CHD5: variants seen among roughly 807,000 people sequenced by gnomAD.
CHD5 encodes ATP-dependent chromatin remodeler CHD5.
A neutral mutation model predicts 230.3 loss-of-function variants in CHD5; 69 were observed. The observed-to-expected ratio is 0.30, with a 90% CI of 0.25 to 0.37. The LOEUF is 0.37. Ranked by LOEUF, CHD5 falls within the 10% of genes least tolerant of loss-of-function variation. CHD5 has a pLI of 1.00. For synonymous variants in CHD5, 1,064 were observed against 1,065.9 expected (o/e 1.00, Z 0.03); for missense variants, 1,827 against 2,622.8 (o/e 0.70, Z 6.63).
At chr1:6,122,376 C>T (rs183411437) in intron 31 of CHD5, among the ~76,000 whole-genome samples, 14 of 152,336 alleles carry the variant, frequency 9.2e-5, no homozygotes, top group East Asian at 1.9e-4. Context: ...ACAGCCAATA[C>T]GCACACCGAA....
At chr1:6,159,070 A>G (rs1667124233) in intron 3 of CHD5, among the ~76,000 whole-genome samples, 2 of 149,748 alleles carry the variant, frequency 1.3e-5, no homozygotes, top group African/African-American at 5.0e-5. Context: ...TCCTGTCTCT[A>G]CTAAAAATAC....
Position 6,126,382 on chromosome 1 carries a change from AGG to A in CHD5, c.4078+188_4078+189del, listed in dbSNP as rs1235968063. On this transcript the variant is annotated intron_variant, in intron 26 of 41. Coordinates refer to ENST00000262450, the MANE Select transcript of CHD5 (RefSeq NM_015557.3). This position sits in a 1 kb window ranked among gnomAD's most constrained non-coding sequence, Gnocchi z 5.7. ...CCCGCACCTCCCGGGGGTTCTGCAC[AGG>A]GATGCCCTGACAGAATCCTGCCCCA... is the stretch of plus-strand genomic sequence containing the variant. 6.7e-6 allele frequency among the ~76,000 whole-genome samples: 1 copy of A among 149,712 alleles called. No individual in the cohort carries two copies. Among genetic ancestry groups the A allele is most frequent in the African/African-American group, 2.5e-5 (1 of 40,468 alleles).
At chr1:6,110,311 C>G (rs1264097153) in intron 37 of CHD5, 83 bp downstream of exon 37, 3 of 1,537,906 alleles carry the variant, frequency 2.0e-6, no homozygotes, top group Non-Finnish European at 2.7e-6. Flanking sequence ...GGTTGCTGCT[C>G]TCTAATTCCT....
rs1381174395 is a variant in CHD5 at position 6,110,470 on chromosome 1, T to C, written c.5306A>G (p.Asn1769Ser). Residue 1769 changes from asparagine to serine, a missense_variant, in exon 37 of 42, where the codon AAC (asparagine) becomes AGC (serine). This residue lies in a region of CHD5 where 208 missense variants were observed against 302.0 expected (regional missense o/e 0.69). Coordinates refer to ENST00000262450, the MANE Select transcript of CHD5 (RefSeq NM_015557.3). ...GTGGACCTCAGACTTGAAGGGCTCG[T>C]TGAGGATCATGTACCGTGGGTCATT... ...IQNDPRYMIL[N>S]EPFKSEVHKG... is the part of the protein sequence containing the mutation. 5 of 1,613,918 alleles carry C rather than the reference T, an allele frequency of 3.1e-6. No homozygotes were observed. Among genetic ancestry groups the C allele is most frequent in the Non-Finnish European group, 4.2e-6 (5 of 1,180,014 alleles).
At chr1:6,135,494 G>C in intron 17 of CHD5, 91 bp from the exon 18 acceptor site, 3 of 1,182,800 alleles carry the variant, frequency 2.5e-6, no homozygotes, top group Non-Finnish European at 3.6e-6. Context: ...AGGCCGGCTA[G>C]CTGGTGAACC....
rs1332569187 is a variant in CHD5, at chr1:6,155,806, C to T, written c.388-89G>A. On this transcript the variant is annotated intron_variant, in intron 3 of 41. Transcript: ENST00000262450. The surrounding 1 kb of genome is among the most constrained non-coding windows in gnomAD (Gnocchi z 4.0). ...AGGGTCTCTGCCTAGGAGGCTTTGG[C>T]ACAGGGGAAAGAGGAGGGGTTGTGT... is the stretch of plus-strand genomic sequence containing the variant. The T allele has an allele frequency of 1.9e-5, 19 of 989,772 alleles. No individual in the cohort carries two copies. Among genetic ancestry groups the T allele is most frequent in the Non-Finnish European group, 2.8e-5 (18 of 634,128 alleles). 61.3% of individuals were successfully genotyped at this position (989,772 alleles called of 1,614,324 possible).
At position 6,112,130 on chromosome 1, in the gene CHD5, AC is replaced by A; in HGVS notation, c.5140+9del. Reference sequence around the variant, plus strand: ...GCCTCAGCTCTCTGCCCAACCCCCAACCCCAATACCCGTGAAGCCCCCGTCC... The same window carrying A: ...GCCTCAGCTCTCTGCCCAACCCCCAACCCAATACCCGTGAAGCCCCCGTCC... On this transcript the variant is annotated intron_variant, in intron 35 of 41. Coordinates refer to ENST00000262450, the MANE Select transcript of CHD5 (RefSeq NM_015557.3). 6.2e-7 allele frequency: 1 copy of A among 1,611,768 alleles called. No individual in the cohort carries two copies. Among genetic ancestry groups the A allele is most frequent in the Non-Finnish European group, 8.5e-7 (1 of 1,178,762 alleles).
chr1:6,151,834 G>C (rs531838112), intron 6 of CHD5, among the ~76,000 whole-genome samples: 1 of 152,176 alleles, frequency 6.6e-6, no homozygotes, highest in African/African-American at 2.4e-5. Flanking sequence ...AGCTACCTGT[G>C]GGGGTGAGGA....
In CHD5 at chr1:6,142,668, G is replaced by A; in HGVS notation, c.2044-63C>T. 1 of 1,513,170 alleles carries A rather than the reference G, an allele frequency of 6.6e-7. No individual in the cohort carries two copies. Among genetic ancestry groups the A allele is most frequent in the African/African-American group, 1.4e-5 (1 of 72,992 alleles). The allele number at this position is 1,513,170 out of a possible 1,614,324, so 93.7% of individuals were successfully genotyped here. A position where few individuals can be genotyped will look rare whatever the true frequency, so the allele number is the denominator to read the frequency against. Reference sequence around the variant, plus strand: ...CTGGGCCACCAGAGTCCACACTACAGGCCTTTGCACATGCAATTCCTTCTG... The same window carrying A: ...CTGGGCCACCAGAGTCCACACTACAAGCCTTTGCACATGCAATTCCTTCTG... On this transcript the variant is annotated intron_variant, in intron 13 of 41. Coordinates refer to ENST00000262450, the MANE Select transcript of CHD5 (RefSeq NM_015557.3). This position sits in a 1 kb window ranked among gnomAD's most constrained non-coding sequence, Gnocchi z 5.2.
intron 2 of CHD5, among the ~76,000 whole-genome samples, chr1:6,161,321 G>A (rs1047963601): frequency 6.6e-6 from 1 of 152,148 alleles, no homozygotes; most frequent in Non-Finnish European, 1.5e-5. Context: ...TCGTGGAGGG[G>A]GAGACGGTCA....
rs374579626 is a variant in CHD5 at position 6,148,082 on chromosome 1, C to T, written c.1383+772G>A. On this transcript the variant is annotated intron_variant, in intron 9 of 41. Transcript: ENST00000262450. ...AAAGGGTCCTCCCCTGGCCCCTACA[C>T]AGACACAGACAAGTATGCGCACGGA... is the stretch of plus-strand genomic sequence containing the variant. Among the ~76,000 whole-genome samples, 4 of 152,254 alleles carry T rather than the reference C, an allele frequency of 2.6e-5. No homozygotes were observed. In the East Asian group the frequency reaches 7.7e-4, roughly 29 times the overall value.
At position 6,154,265 on chromosome 1, in the gene CHD5, AGAAACG is replaced by A. The variant is rs1284399129; in HGVS notation, c.745+389_745+394del. On this transcript the variant is annotated intron_variant, in intron 5 of 41. Transcript: ENST00000262450. The surrounding 1 kb of genome is among the most constrained non-coding windows in gnomAD (Gnocchi z 7.0). Reference sequence around the variant, plus strand: ...CGACTGGGGCCTCCTCCTCCTCCCCAGAAACGGCACAGGCTCAAACCCAAGAGCCTG... The same window carrying A: ...CGACTGGGGCCTCCTCCTCCTCCCCAGCACAGGCTCAAACCCAAGAGCCTG... Among the ~76,000 whole-genome samples, 1 of 152,098 alleles carries A rather than the reference AGAAACG, an allele frequency of 6.6e-6. No homozygotes were observed. Among genetic ancestry groups the A allele is most frequent in the Non-Finnish European group, 1.5e-5 (1 of 68,006 alleles).
intron 33 of CHD5, among the ~76,000 whole-genome samples, chr1:6,115,666 A>G (rs1278570221): frequency 2.0e-5 from 3 of 152,200 alleles, no homozygotes; most frequent in Non-Finnish European, 2.9e-5. Flanking sequence ...CTCCAGCCTC[A>G]AGGAACTGAA....
At position 6,128,823 on chromosome 1, in the gene CHD5, G is replaced by C. The variant is rs747484429; in HGVS notation, c.3619+15C>G. Reference sequence around the variant, plus strand: ...CCCCAGTCCCCTGCCACGCTCCCTCGGAACAGAGGCCCACCCTCCACGTCG... The same window carrying C: ...CCCCAGTCCCCTGCCACGCTCCCTCCGAACAGAGGCCCACCCTCCACGTCG... On this transcript the variant is annotated intron_variant, in intron 23 of 41. Transcript: ENST00000262450. This position sits in a 1 kb window ranked among gnomAD's most constrained non-coding sequence, Gnocchi z 7.8. 1 of 1,599,820 alleles carries C rather than the reference G, an allele frequency of 6.3e-7. No individual in the cohort carries two copies. Among genetic ancestry groups the C allele is most frequent in the Admixed American group, 1.7e-5 (1 of 59,860 alleles).
intron 38 of CHD5, among the ~76,000 whole-genome samples, chr1:6,108,857 G>A (rs1376702157): frequency 6.7e-6 from 1 of 149,670 alleles, no homozygotes; most frequent in African/African-American, 2.5e-5. Context: ...ATAGAGGGAT[G>A]GAGGGGTGGA....
intron 5 of CHD5, among the ~76,000 whole-genome samples, chr1:6,153,158 C>T (rs2100867303): frequency 6.6e-6 from 1 of 152,360 alleles, no homozygotes; most frequent in Non-Finnish European, 1.5e-5. Context: ...CCCAGGCCGT[C>T]CTCTGGCCAC....
intron 31 of CHD5, among the ~76,000 whole-genome samples, chr1:6,123,230 G>A (rs1361204425): frequency 1.3e-5 from 2 of 152,134 alleles, no homozygotes; most frequent in African/African-American, 4.8e-5. Context: ...ACTGTGCAGT[G>A]CCATATACAC....
chr1:6,178,200 A>G (rs2100892356), intron 1 of CHD5, among the ~76,000 whole-genome samples: 1 of 151,928 alleles, frequency 6.6e-6, no homozygotes, highest in Admixed American at 6.5e-5. Flanking sequence ...ACCGAGGGGG[A>G]GCACGGGTGG....
chr1:6,123,981 C>G lies in CHD5; in HGVS notation c.4666G>C (p.Ala1556Pro). 1 of 1,602,166 alleles carries G rather than the reference C, an allele frequency of 6.2e-7. No individual in the cohort carries two copies. The highest frequency in any genetic ancestry group is 8.5e-7 in the Non-Finnish European group (1 of 1,176,306). The change falls in exon 31 of 42, where the codon GCC becomes CCC. Residue 1556 changes from alanine (A) to proline (P), a missense_variant. Physicochemically the swap from Ala to Pro is conservative, Grantham distance 27. Transcript: ENST00000262450. ...CCCAGCGGGGCTGGCAGGAGGTGGGCAGGGCTGGCGGGCACTGGTGTGTTG... is the reference window on the plus strand; with the variant it reads ...CCCAGCGGGGCTGGCAGGAGGTGGGGAGGGCTGGCGGGCACTGGTGTGTTG... ...DPNTPVPASP[A>P]HLLPAPLGLP... is the part of the protein sequence containing the mutation.
Sources: allele counts gnomAD v4.1 joint callset (sites outside exome capture counted in the v4.1 genomes callset), GRCh38; gene constraint gnomAD v4.1.1; regional missense constraint gnomAD v4.1.1; non-coding constraint Gnocchi (gnomAD v3.1); transcripts MANE v1.5; gene names NCBI Gene and HGNC (gene_info 2026-07-23, HGNC 2026-07-21).